The following LRRIQ3 variants were observed in gnomAD, a reference collection of about 807,000 sequenced individuals.
LRRIQ3 encodes leucine-rich repeat and IQ domain-containing protein 3.
In LRRIQ3, 75 loss-of-function variants were observed where a neutral mutation model predicts 59.3. The ratio of observed to expected loss-of-function variants is 1.26; its 90% CI spans 1.05 to 1.53. LRRIQ3 has a LOEUF of 1.53. LRRIQ3 is among the 40% of genes most tolerant of loss of function. The probability of loss-of-function intolerance (pLI) is 0.00; values close to 1 mark genes in which losing one functional copy is unlikely to be tolerated. For synonymous variants in LRRIQ3, 250 were observed against 231.3 expected (o/e 1.08, Z -0.73); for missense variants, 831 against 710.0 (o/e 1.17, Z -1.94).
Position 74,074,755 on chromosome 1 carries a change from A to G in LRRIQ3, c.903T>C (p.Ser301=). 1 of 1,417,722 alleles carries G rather than the reference A, an allele frequency of 7.1e-7. No individual in the cohort carries two copies. The highest frequency in any genetic ancestry group is 2.2e-5 in the Admixed American group (1 of 44,966). The allele number at this position is 1,417,722 out of a possible 1,614,324, so 87.8% of individuals were successfully genotyped here. A position where few individuals can be genotyped will look rare whatever the true frequency, so the allele number is the denominator to read the frequency against. ...TAGATGACACATGTTTTCTGTGTTC[A>G]CTGGAATTTTTTAAATCAACAGGAT... ...IYYPVDLKNS[S]EHRKHVSSIL... The change falls in exon 6 of 8, where the codon AGT becomes AGC. Residue 301 remains serine (S), a synonymous_variant. Transcript: ENST00000354431.
chr1:74,164,089 G>C (rs1570241299), intron 3 of LRRIQ3, among the ~76,000 whole-genome samples: 2 of 150,896 alleles, frequency 1.3e-5, no homozygotes, highest in African/African-American at 4.8e-5. Context: ...TAATTAGATT[G>C]TTTCATATGT....
intron 5 of LRRIQ3, among the ~76,000 whole-genome samples, chr1:74,096,886 G>A (rs1006689747): frequency 7.2e-5 from 11 of 152,126 alleles, no homozygotes; most frequent in African/African-American, 2.2e-4. Flanking sequence ...AGCAAATGTT[G>A]CTGCCTGATC....
At chr1:74,063,192 T>C (rs1654778330) in intron 6 of LRRIQ3, among the ~76,000 whole-genome samples, 1 of 152,028 alleles carries the variant, frequency 6.6e-6, no homozygotes, top group South Asian at 2.1e-4. Context: ...CGTATTTGTA[T>C]ATTTGTGAGA....
At chr1:74,106,774 T>C (rs945998740) in intron 5 of LRRIQ3, among the ~76,000 whole-genome samples, 1 of 152,016 alleles carries the variant, frequency 6.6e-6, no homozygotes, top group African/African-American at 2.4e-5. Flanking sequence ...CATATTAGTA[T>C]TCAGATTTTC....
At chr1:74,037,742 G>A (rs2100378331) in intron 7 of LRRIQ3, among the ~76,000 whole-genome samples, 1 of 152,288 alleles carries the variant, frequency 6.6e-6, no homozygotes, top group East Asian at 1.9e-4. Context: ...TGCTGTGGTG[G>A]CCCACCTAAG....
rs147505679 is a variant in LRRIQ3 at position 74,179,103 on chromosome 1, C to T, written c.573+3435G>A. On this transcript the variant is annotated intron_variant, in intron 3 of 7. Coordinates refer to ENST00000354431, the MANE Select transcript of LRRIQ3 (RefSeq NM_001105659.2). ...ACATGTAAACAAAACGCAATACTGG[C>T]TGATAGCACTGGTTTCTTGCCCATA... Among the ~76,000 whole-genome samples the T allele has an allele frequency of 1.4e-3, 216 of 152,166 alleles. 2 individuals are homozygous for T. The highest frequency in any genetic ancestry group is 5.1e-3 in the African/African-American group (210 of 41,530).
At position 74,198,126 on chromosome 1, in the gene LRRIQ3, T is replaced by G. The variant is rs1050926512; in HGVS notation, c.-131A>C. On this transcript the variant is annotated 5_prime_UTR_variant, in exon 1 of 8. Coordinates refer to ENST00000354431, the MANE Select transcript of LRRIQ3 (RefSeq NM_001105659.2). ...GAGAAACAAGACAACATCCAAGTTC[T>G]CCACATCATGGTTTTCCGGGCGCCA... The G allele has an allele frequency of 7.0e-7, 1 of 1,435,118 alleles. No individual in the cohort carries two copies. The highest frequency in any genetic ancestry group is 9.2e-7 in the Non-Finnish European group (1 of 1,086,884). 88.9% of individuals were successfully genotyped at this position (1,435,118 alleles called of 1,614,324 possible). A position where few individuals can be genotyped will look rare whatever the true frequency, so the allele number is the denominator to read the frequency against.
chr1:74,034,537 T>C (rs1653810485), intron 7 of LRRIQ3, among the ~76,000 whole-genome samples: 1 of 151,892 alleles, frequency 6.6e-6, no homozygotes, highest in Non-Finnish European at 1.5e-5. Flanking sequence ...TGATTTGCAC[T>C]AGATTTGTAT....
intron 4 of LRRIQ3, among the ~76,000 whole-genome samples, chr1:74,148,419 C>T (rs1370052183): frequency 6.6e-6 from 1 of 152,138 alleles, no homozygotes; most frequent in African/African-American, 2.4e-5. Flanking sequence ...CAGGCCAGTC[C>T]TCAGTCACCA....
intron 3 of LRRIQ3, among the ~76,000 whole-genome samples, chr1:74,178,461 T>C (rs1285663444): frequency 6.6e-6 from 1 of 152,138 alleles, no homozygotes; most frequent in Admixed American, 6.5e-5. Context: ...GAATTATAAA[T>C]TTACTTTTAA....
rs181115596 is a variant in LRRIQ3 at position 74,132,137 on chromosome 1, A to C, written c.708-22584T>G. Among the ~76,000 whole-genome samples the C allele has an allele frequency of 3.5e-3, 539 of 152,244 alleles. 5 individuals are homozygous for C. Among genetic ancestry groups the C allele is most frequent in the African/African-American group, 0.012 (496 of 41,556 alleles). On this transcript the variant is annotated intron_variant, in intron 4 of 7. Coordinates refer to ENST00000354431, the MANE Select transcript of LRRIQ3 (RefSeq NM_001105659.2). ...TCCCATTCACAACTGCATCAAAGAG[A>C]ATAAAATACCTAGGAATCCAACTTA...
intron 6 of LRRIQ3, among the ~76,000 whole-genome samples, chr1:74,058,543 A>T (rs555194405): frequency 5.9e-5 from 9 of 152,190 alleles, no homozygotes; most frequent in African/African-American, 2.2e-4. Flanking sequence ...TAAAGAATAA[A>T]ACAGTGGTTT....
intron 6 of LRRIQ3, among the ~76,000 whole-genome samples, chr1:74,042,361 C>T (rs999232019): frequency 6.6e-6 from 1 of 151,970 alleles, no homozygotes; most frequent in African/African-American, 2.4e-5. Flanking sequence ...AATAAATGAG[C>T]AGGGAGTATT....
chr1:74,151,196 T>A (rs1209863007), intron 4 of LRRIQ3, among the ~76,000 whole-genome samples: 1 of 151,932 alleles, frequency 6.6e-6, no homozygotes, highest in Non-Finnish European at 1.5e-5. Flanking sequence ...TTTTGTATTT[T>A]TAGTAGAGAC....
intron 5 of LRRIQ3, among the ~76,000 whole-genome samples, chr1:74,081,473 T>C (rs139512446): frequency 1.3e-5 from 2 of 151,746 alleles, no homozygotes; most frequent in East Asian, 3.9e-4. Flanking sequence ...GTAGTAGCCT[T>C]TGTAGAACCC....
intron 4 of LRRIQ3, among the ~76,000 whole-genome samples, chr1:74,134,557 T>C: frequency 6.6e-6 from 1 of 151,856 alleles, no homozygotes. Flanking sequence ...ACTATAACAC[T>C]CTTTTCTTGG....
intron 4 of LRRIQ3, among the ~76,000 whole-genome samples, chr1:74,113,975 A>G (rs761076775): frequency 6.6e-6 from 1 of 151,624 alleles, no homozygotes; most frequent in Non-Finnish European, 1.5e-5. Flanking sequence ...CTCTCTCTAT[A>G]TATATACACA....
At chr1:74,148,758 G>T (rs1434769912) in intron 4 of LRRIQ3, among the ~76,000 whole-genome samples, 2 of 152,146 alleles carry the variant, frequency 1.3e-5, no homozygotes, top group Non-Finnish European at 1.5e-5. Context: ...CATTTGTCCT[G>T]CAACATAACA....
intron 6 of LRRIQ3, among the ~76,000 whole-genome samples, chr1:74,049,966 C>T (rs538268489): frequency 6.0e-5 from 9 of 149,888 alleles, no homozygotes; most frequent in African/African-American, 2.2e-4. Context: ...CTCTGTTGCC[C>T]AGGCTAGAGT....
Sources: gnomAD v4.1 joint callset for allele counts (sites outside exome capture counted in the v4.1 genomes callset) on GRCh38, gnomAD v4.1.1 for gene constraint, MANE v1.5 for transcripts, NCBI Gene and HGNC (gene_info 2026-07-23, HGNC 2026-07-21) for gene names.